HTT: variants seen among roughly 807,000 people sequenced by gnomAD.
HTT encodes the protein huntingtin.
Under a neutral mutation model 362.3 loss-of-function variants are expected in HTT, and 104 were observed. The ratio of observed to expected loss-of-function variants is 0.29; its 90% confidence interval spans 0.24 to 0.34. The LOEUF is 0.34. Ranked by LOEUF, HTT falls within the 10% of genes least tolerant of loss-of-function variation. The probability of loss-of-function intolerance (pLI) is 1.00; values close to 1 mark genes in which losing one functional copy is unlikely to be tolerated. For missense variants in HTT, 3,301 were observed against 3,928.6 expected, an observed-to-expected ratio of 0.84 and a Z score of 4.27; for synonymous variants, 1,577 against 1,548.7, an observed-to-expected ratio of 1.02 and a Z score of -0.43.
chr4:3,187,907 T>G, intron 39 of HTT, 21 bp downstream of exon 39: 2 of 1,451,680 alleles, frequency 1.4e-6, no homozygotes, highest in Middle Eastern at 1.8e-4. Flanking sequence ...TATCTGAGCC[T>G]ATAACTAACC....
In HTT at chr4:3,116,162, C is replaced by T. The variant is rs1464273139; in HGVS notation, c.967C>T (p.Pro323Ser). 2 of 1,613,842 alleles carry T rather than the reference C, an allele frequency of 1.2e-6. No individual in the cohort carries two copies. The highest frequency in any genetic ancestry group is 2.7e-5 in the African/African-American group (2 of 75,050). Residue 323 changes from proline to serine, a missense_variant, in exon 8 of 67, where the codon CCC becomes TCC. Transcript: ENST00000355072. ...GCTGCTCACCCTGAGGTATTTGGTGCCCTTGCTGCAGCAGCAGGTCAAGGA... is the reference window on the plus strand; with the variant it reads ...GCTGCTCACCCTGAGGTATTTGGTGTCCTTGCTGCAGCAGCAGGTCAAGGA... ...GVLLTLRYLV[P>S]LLQQQVKDTS...
At chr4:3,075,236 C>T in intron 1 of HTT, 148 bp downstream of exon 1, 1 of 754,398 alleles carries the variant, frequency 1.3e-6, no homozygotes, top group Non-Finnish European at 1.8e-6. Context: ...CCATGAGGGA[C>T]ACCCGCCCCC....
At position 3,228,218 on chromosome 4, in the gene HTT, G is replaced by C. The variant is rs1377660772; in HGVS notation, c.7849-397G>C. On this transcript the variant is annotated intron_variant, in intron 57 of 66. Coordinates refer to ENST00000355072, the MANE Select transcript of HTT (RefSeq NM_001388492.1). The surrounding 1 kb of genome is among the most constrained non-coding windows in gnomAD (Gnocchi z 4.3). Reference sequence around the variant, plus strand: ...GTCACAAAGGCGCGAGGGAGCTCTGGCCTTGGGTTTACCGCAATGACTGCC... The same window carrying C: ...GTCACAAAGGCGCGAGGGAGCTCTGCCCTTGGGTTTACCGCAATGACTGCC... Among the ~76,000 whole-genome samples the C allele has an allele frequency of 6.6e-6, 1 of 152,236 alleles. No homozygotes were observed. Among genetic ancestry groups the C allele is most frequent in the Non-Finnish European group, 1.5e-5 (1 of 68,044 alleles).
Position 3,085,144 on chromosome 4 carries a change from A to AT in HTT, c.264-1782dup, listed in dbSNP as rs949733991. Among the ~76,000 whole-genome samples the AT allele has an allele frequency of 1.6e-3, 230 of 145,626 alleles. 1 individual carries two copies. The highest frequency in any genetic ancestry group is 3.5e-3 in the Middle Eastern group (1 of 284). The stretch of plus-strand genomic sequence containing the variant: ...AGGAGGCTGGCGGAGGATTGTTTTA[A>AT]TTTTTTTTTTTTTGAGACAGTCTGG... On this transcript the variant is annotated intron_variant, in intron 1 of 66. Coordinates refer to ENST00000355072, the MANE Select transcript of HTT (RefSeq NM_001388492.1).
chr4:3,217,477 G>A (rs1012846787), intron 51 of HTT, among the ~76,000 whole-genome samples: 1 of 152,252 alleles, frequency 6.6e-6, no homozygotes, highest in East Asian at 1.9e-4. Context: ...ATGGCTTCCA[G>A]CTGTCACAGG....
In HTT at chr4:3,178,343, A is replaced by G; in HGVS notation, c.4509A>G (p.Leu1503=). The G allele has an allele frequency of 1.9e-6, 3 of 1,611,258 alleles. No individual in the cohort carries two copies. The highest frequency in any genetic ancestry group is 2.5e-6 in the Non-Finnish European group (3 of 1,177,474). Reference sequence around the variant, plus strand: ...CAAACATCTTTTTCTTCTTGGTATTACTATCTTATGAACGCTATCATTCAA... The same window carrying G: ...CAAACATCTTTTTCTTCTTGGTATTGCTATCTTATGAACGCTATCATTCAA... ...IIPNIFFFLV[L]LSYERYHSKQ... is the part of the protein sequence containing the mutation. The change falls in exon 35 of 67, where the codon TTA becomes TTG. Residue 1503 remains leucine (L), a synonymous_variant. Transcript: ENST00000355072.
chr4:3,201,268 C>G (rs927818281), intron 41 of HTT, among the ~76,000 whole-genome samples: 2 of 152,174 alleles, frequency 1.3e-5, no homozygotes, highest in African/African-American at 4.8e-5. Flanking sequence ...GTGGCTCATG[C>G]CTATAATCCC....
At chr4:3,104,962 A>G (rs539716812) in intron 4 of HTT, among the ~76,000 whole-genome samples, 3 of 152,336 alleles carry the variant, frequency 2.0e-5, no homozygotes, top group East Asian at 1.9e-4. Context: ...ATTATTGTCT[A>G]TGATCCCTCT....
rs140828974 is a variant in HTT at position 3,077,033 on chromosome 4, C to T, written c.263+1945C>T. On this transcript the variant is annotated intron_variant, in intron 1 of 66. Transcript: ENST00000355072. ...TCTCTACTAAAAATACAAAAATTAGCTGGTCATGGTGGCACGTGCCTGTAA... is the reference window on the plus strand; with the variant it reads ...TCTCTACTAAAAATACAAAAATTAGTTGGTCATGGTGGCACGTGCCTGTAA... 6.6e-3 allele frequency among the ~76,000 whole-genome samples: 1,007 copies of T among 152,054 alleles called. 16 individuals are homozygous for T. The highest frequency in any genetic ancestry group is 0.023 in the African/African-American group (949 of 41,458).
intron 53 of HTT, among the ~76,000 whole-genome samples, chr4:3,221,230 T>A (rs545791231): frequency 6.6e-6 from 1 of 152,314 alleles, no homozygotes; most frequent in South Asian, 2.1e-4. Context: ...GGAGACACCT[T>A]GCCTCTACTT....
Position 3,214,123 on chromosome 4 carries a change from A to T in HTT, c.6940A>T (p.Ile2314Phe), listed in dbSNP as rs1298588369. ...CTCCCTCATCTACTGTGTGCACTTC[A>T]TCCTGGAGGCCGGTGAGTCCCCGTC... ...ACSLIYCVHF[I>F]LEAVAVQPGE... Residue 2314 changes from isoleucine to phenylalanine, a missense_variant, in exon 50 of 67, where the codon ATC becomes TTC. Transcript: ENST00000355072. 5.9e-6 allele frequency: 9 copies of T among 1,518,550 alleles called. No homozygotes were observed. Among genetic ancestry groups the T allele is most frequent in the Non-Finnish European group, 8.0e-6 (9 of 1,121,980 alleles). 94.1% of individuals were successfully genotyped at this position (1,518,550 alleles called of 1,614,324 possible).
chr4:3,131,029 C>T (rs938647428), intron 14 of HTT, among the ~76,000 whole-genome samples: 1 of 151,998 alleles, frequency 6.6e-6, no homozygotes, highest in Non-Finnish European at 1.5e-5. Context: ...TGCCTTCTTA[C>T]CACGCCCACC....
At position 3,207,322 on chromosome 4, in the gene HTT, C is replaced by T; in HGVS notation, c.6117C>T (p.Ile2039=). 2 of 1,613,844 alleles carry T rather than the reference C, an allele frequency of 1.2e-6. No individual in the cohort carries two copies. Among genetic ancestry groups the T allele is most frequent in the Non-Finnish European group, 1.7e-6 (2 of 1,179,868 alleles). ...AQLPMEELNR[I]QEYLQSSGLA... ...TGCCAATGGAAGAACTCAACAGAAT[C>T]CAGGAATACCTTCAGAGCAGCGGGC... The change falls in exon 45 of 67, where the codon ATC becomes ATT. Residue 2039 remains isoleucine, a synonymous_variant. Transcript: ENST00000355072.
At chr4:3,094,021 T>C (rs1300762045) in intron 2 of HTT, among the ~76,000 whole-genome samples, 1 of 145,058 alleles carries the variant, frequency 6.9e-6, no homozygotes, top group Non-Finnish European at 1.5e-5. Context: ...CAGATAAACA[T>C]GTAAACAAAG....
At chr4:3,159,905 G>C (rs1717354004) in intron 28 of HTT, among the ~76,000 whole-genome samples, 3 of 152,194 alleles carry the variant, frequency 2.0e-5, no homozygotes, top group Middle Eastern at 3.4e-3. Flanking sequence ...ATTTCTCCCA[G>C]GGATCCTAGT....
At position 3,229,484 on chromosome 4, in the gene HTT, CACT is replaced by C. The variant is rs561228556; in HGVS notation, c.8110-400_8110-398del. ...GTGCATGCACCAGACACATGGCACA[CACT>C]ACACACACGCCACGTGCACACACCC... On this transcript the variant is annotated intron_variant, in intron 59 of 66. Transcript: ENST00000355072. Among the ~76,000 whole-genome samples the C allele has an allele frequency of 1.3e-4, 19 of 150,394 alleles. 1 individual carries two copies. Among genetic ancestry groups the C allele is most frequent in the Non-Finnish European group, 2.7e-4 (18 of 67,536 alleles).
At chr4:3,088,410 A>G (rs927585981) in intron 2 of HTT, among the ~76,000 whole-genome samples, 2 of 139,860 alleles carry the variant, frequency 1.4e-5, no homozygotes, top group Non-Finnish European at 3.1e-5. Flanking sequence ...TCCTGACCTC[A>G]TGACCCGCTC....
chr4:3,132,887 C>T lies in HTT; in HGVS notation c.2469C>T (p.Cys823=). The change falls in exon 18 of 67, where the codon TGC becomes TGT. Residue 823 remains cysteine, a synonymous_variant. Transcript: ENST00000355072. Reference sequence around the variant, plus strand: ...TGAAGGATGAGTCTTCTGTTACTTGCAAGTTAGCTTGTACAGCTGTGAGGG... The same window carrying T: ...TGAAGGATGAGTCTTCTGTTACTTGTAAGTTAGCTTGTACAGCTGTGAGGG... ...KTLKDESSVT[C]KLACTAVRNC... is the part of the protein sequence containing the mutation. 6.2e-7 allele frequency: 1 copy of T among 1,613,394 alleles called. No homozygotes were observed. Among genetic ancestry groups the T allele is most frequent in the African/African-American group, 1.3e-5 (1 of 75,026 alleles).
At chr4:3,104,169 C>T (rs1338879005) in intron 4 of HTT, among the ~76,000 whole-genome samples, 1 of 152,028 alleles carries the variant, frequency 6.6e-6, no homozygotes, top group Non-Finnish European at 1.5e-5. Flanking sequence ...ATGACCTTGG[C>T]TCACTGCAAC....
Sources: gnomAD v4.1 joint callset for allele counts (sites outside exome capture counted in the v4.1 genomes callset) on GRCh38, gnomAD v4.1.1 for gene constraint, Gnocchi (gnomAD v3.1) non-coding constraint, MANE v1.5 for transcripts, NCBI Gene and HGNC (gene_info 2026-07-23, HGNC 2026-07-21) for gene names.